Variants in DPP10 observed in about 807,000 individuals in gnomAD.
DPP10 encodes dipeptidyl peptidase like 10, also known as inactive dipeptidyl peptidase 10.
In DPP10, 33 loss-of-function variants were observed where a neutral mutation model predicts 120.9. The ratio of observed to expected loss-of-function variants is 0.27; its 90% confidence interval spans 0.21 to 0.37. The LOEUF is 0.37. Ranked by LOEUF, DPP10 falls within the 10% of genes least tolerant of loss-of-function variation. DPP10 has a pLI of 1.00. For synonymous variants in DPP10, 337 were observed against 326.1 expected, an observed-to-expected ratio of 1.03 and a Z score of -0.36; for missense variants, 816 against 942.8, an observed-to-expected ratio of 0.87 and a Z score of 1.76.
intron 1 of DPP10, among the ~76,000 whole-genome samples, chr2:115,005,869 C>A (rs1701792747): frequency 2.0e-5 from 3 of 152,160 alleles, no homozygotes; most frequent in South Asian, 2.1e-4. Flanking sequence ...ACAGAGAACG[C>A]CACAAAGATA....
At chr2:115,527,081 T>A (rs2078174806) in intron 5 of DPP10, among the ~76,000 whole-genome samples, 1 of 152,146 alleles carries the variant, frequency 6.6e-6, no homozygotes, top group Admixed American at 6.6e-5. Flanking sequence ...AATCTAAGCT[T>A]GAAAAGTCTG....
chr2:114,813,222 T>C (rs935837869), intron 1 of DPP10, among the ~76,000 whole-genome samples: 3 of 152,184 alleles, frequency 2.0e-5, no homozygotes, highest in Non-Finnish European at 2.9e-5. Context: ...GAAAATGATA[T>C]ACAATTTACT....
chr2:114,663,668 T>TATATAGAGAG, intron 1 of DPP10, among the ~76,000 whole-genome samples: 21 of 80,704 alleles, frequency 2.6e-4, no homozygotes, highest in African/African-American at 5.6e-4. Context: ...TATATATATA[T>TATATAGAGAG]AGAGAGAGAG....
At chr2:115,606,281 T>C (rs2083700309) in intron 5 of DPP10, among the ~76,000 whole-genome samples, 1 of 152,184 alleles carries the variant, frequency 6.6e-6, no homozygotes, top group African/African-American at 2.4e-5. Context: ...GCATTAGACC[T>C]TTATTTCTCA....
intron 1 of DPP10, among the ~76,000 whole-genome samples, chr2:114,561,443 G>A (rs570724560): frequency 4.6e-5 from 7 of 151,892 alleles, no homozygotes; most frequent in East Asian, 1.9e-4. Flanking sequence ...ACCCACACAC[G>A]TACACACCAC....
intron 1 of DPP10, among the ~76,000 whole-genome samples, chr2:115,109,053 A>G (rs963025658): frequency 3.3e-5 from 5 of 152,178 alleles, no homozygotes; most frequent in African/African-American, 1.2e-4. Context: ...CTGATCATTT[A>G]TAAAGTAAAT....
rs2058431526 is a variant in DPP10 at position 115,244,273 on chromosome 2, GA to G, written c.61-64965del. 1.5e-4 allele frequency among the ~76,000 whole-genome samples: 16 copies of G among 110,170 alleles called. No homozygotes were observed. In the South Asian group the frequency reaches 4.7e-3, roughly 33 times the overall value. 72.3% of individuals were successfully genotyped at this position (110,170 alleles called of 152,430 possible). A position where few individuals can be genotyped will look rare whatever the true frequency, so the allele number is the denominator to read the frequency against. On this transcript the variant is annotated intron_variant, in intron 1 of 25. Transcript: ENST00000410059. Reference sequence around the variant, plus strand: ...AGAGAGAGAGAGAGAGAGAGAGAGAGAGAGAGAGACATATATATGAATGATA... The same window carrying G: ...AGAGAGAGAGAGAGAGAGAGAGAGAGGAGAGAGACATATATATGAATGATA...
intron 3 of DPP10, among the ~76,000 whole-genome samples, chr2:115,444,795 A>G (rs1160227349): frequency 6.6e-6 from 1 of 152,192 alleles, no homozygotes; most frequent in Non-Finnish European, 1.5e-5. Flanking sequence ...AAATGTCTAG[A>G]TAGCTGTGTA....
chr2:114,793,716 C>T (rs1269324410), intron 1 of DPP10, among the ~76,000 whole-genome samples: 1 of 152,144 alleles, frequency 6.6e-6, no homozygotes, highest in Non-Finnish European at 1.5e-5. Flanking sequence ...ATTATATCAG[C>T]AAATTAACAA....
At chr2:115,804,078 T>C (rs989998971) in intron 19 of DPP10, among the ~76,000 whole-genome samples, 150 of 152,310 alleles carry the variant, frequency 9.8e-4, no homozygotes, top group African/African-American at 3.3e-3. Flanking sequence ...CAATCAGACG[T>C]AGATTTGGTC....
At chr2:114,774,268 T>C (rs2106163860) in intron 1 of DPP10, among the ~76,000 whole-genome samples, 1 of 152,168 alleles carries the variant, frequency 6.6e-6, no homozygotes, top group Admixed American at 6.6e-5. Context: ...TCTGAACAAT[T>C]TTTAGGCAAG....
chr2:114,667,149 T>C (rs116608993), intron 1 of DPP10, among the ~76,000 whole-genome samples: 1,642 of 152,300 alleles, frequency 0.011, 15 homozygotes, highest in Non-Finnish European at 0.017. Context: ...ATGGCCTCAA[T>C]TGGACTACCC....
chr2:115,474,116 T>C (rs1334818815), intron 3 of DPP10, among the ~76,000 whole-genome samples: 3 of 152,190 alleles, frequency 2.0e-5, no homozygotes, highest in Admixed American at 2.0e-4. Flanking sequence ...TCAGGTAGAT[T>C]GTTTTGCAAT....
At chr2:114,574,337 A>T (rs918619420) in intron 1 of DPP10, among the ~76,000 whole-genome samples, 1 of 152,128 alleles carries the variant, frequency 6.6e-6, no homozygotes, top group Admixed American at 6.5e-5. Context: ...CCTCTCTAGC[A>T]GGGTCAGCAT....
intron 7 of DPP10, among the ~76,000 whole-genome samples, chr2:115,704,380 T>G (rs979219518): frequency 2.6e-5 from 4 of 151,978 alleles, no homozygotes; most frequent in Non-Finnish European, 5.9e-5. Flanking sequence ...CTCAAATAAT[T>G]TTTAATACTA....
rs572312722 is a variant in DPP10 at position 114,760,126 on chromosome 2, A to C, written c.60+317288A>C. Among the ~76,000 whole-genome samples, 3 of 152,250 alleles carry C rather than the reference A, an allele frequency of 2.0e-5. No individual in the cohort carries two copies. The East Asian group carries it at 5.8e-4, about 29-fold the overall frequency. ...CTGGTCTCCACAGGCAGGCGATGCC[A>C]TTGCTGGCCCACCCAGATCCTCTTT... On this transcript the variant is annotated intron_variant, in intron 1 of 25. Transcript: ENST00000410059.
At position 114,916,032 on chromosome 2, in the gene DPP10, T is replaced by TAAA. The variant is rs546840982; in HGVS notation, c.61-393200_61-393198dup. 3.3e-3 allele frequency among the ~76,000 whole-genome samples: 489 copies of TAAA among 149,506 alleles called. 1 individual carries two copies. Among genetic ancestry groups the TAAA allele is most frequent in the African/African-American group, 0.012 (481 of 40,830 alleles). On this transcript the variant is annotated intron_variant, in intron 1 of 25. Coordinates refer to ENST00000410059, the MANE Select transcript of DPP10 (RefSeq NM_020868.6). ...CTTACACATGAATCCATAAAAAAGA[T>TAAA]AAAAAAAAAGTTGATGTTGTGAAAG... is the stretch of plus-strand genomic sequence containing the variant.
chr2:115,441,818 T>TC lies in DPP10; in HGVS notation c.272-57692_272-57691insC, dbSNP rs1491570407. Among the ~76,000 whole-genome samples, 7 of 79,242 alleles carry TC rather than the reference T, an allele frequency of 8.8e-5. No individual in the cohort carries two copies. In the East Asian group the frequency reaches 2.6e-3, roughly 29 times the overall value. 52.0% of individuals were successfully genotyped at this position (79,242 alleles called of 152,430 possible). On this transcript the variant is annotated intron_variant, in intron 3 of 25. Transcript: ENST00000410059. ...GACAAGTTTCTTTTTTCTTTCTTTC[T>TC]TTTTTTTTTTTTTTTTTTGACAGAG... is the stretch of plus-strand genomic sequence containing the variant.
intron 3 of DPP10, among the ~76,000 whole-genome samples, chr2:115,457,904 A>G (rs776133394): frequency 1.3e-5 from 2 of 152,148 alleles, no homozygotes; most frequent in Non-Finnish European, 2.9e-5. Context: ...ACTGCAAACA[A>G]TACAGAATTC....
Sources: allele counts gnomAD v4.1 joint callset (sites outside exome capture counted in the v4.1 genomes callset), GRCh38; gene constraint gnomAD v4.1.1; transcripts MANE v1.5; gene names NCBI Gene and HGNC (gene_info 2026-07-23, HGNC 2026-07-21).